Variants in SH3TC1 observed in about 807,000 individuals in gnomAD.
SH3TC1 encodes SH3 domain and tetratricopeptide repeats 1, also known as SH3 domain and tetratricopeptide repeat-containing protein 1.
In SH3TC1, 135 loss-of-function variants were observed where a neutral mutation model predicts 117.3. The observed-to-expected ratio is 1.15, with a 90% CI of 1.00 to 1.33. SH3TC1 has a LOEUF of 1.33. SH3TC1 is among the 40% of genes most tolerant of loss of function. The probability of loss-of-function intolerance (pLI) is 0.00; values close to 1 mark genes in which losing one functional copy is unlikely to be tolerated. For missense variants in SH3TC1, 2,092 were observed against 1,794.3 expected, an observed-to-expected ratio of 1.17 and a Z score of -3.00; for synonymous variants, 898 against 816.9, an observed-to-expected ratio of 1.10 and a Z score of -1.69.
intron 16 of SH3TC1, chr4:8,236,689 T>C (rs1026628867): frequency 4.4e-5 from 18 of 412,326 alleles, no homozygotes; most frequent in Admixed American, 8.3e-5. Flanking sequence ...CAGTGTGCCC[T>C]CTGCCTTCCA....
At chr4:8,218,086 G>A (rs1215948937) in intron 7 of SH3TC1, among the ~76,000 whole-genome samples, 185 bp from the exon 8 acceptor site, 2 of 152,182 alleles carry the variant, frequency 1.3e-5, no homozygotes, top group South Asian at 2.1e-4. Flanking sequence ...CCACACGCAC[G>A]GGGCCTGAAG....
rs867568777 is a variant in SH3TC1, at chr4:8,227,105, G to A, written c.1411G>A (p.Ala471Thr). 1.2e-6 allele frequency: 2 copies of A among 1,612,682 alleles called. No individual in the cohort carries two copies. The highest frequency in any genetic ancestry group is 3.3e-5 in the Admixed American group (2 of 59,902). ...GCCAGCGTCCTGGGGTCTCTGTGCGGCATCCAGCGACGTGAGCTTGCAGGA... is the reference window on the plus strand; with the variant it reads ...GCCAGCGTCCTGGGGTCTCTGTGCGACATCCAGCGACGTGAGCTTGCAGGA... ...QEPASWGLCA[A>T]SSDVSLQDPE... Residue 471 changes from alanine to threonine, a missense_variant, in exon 12 of 18, where the codon GCA becomes ACA. By Grantham distance (58) the Ala-to-Thr change is moderately conservative. Coordinates refer to ENST00000245105, the MANE Select transcript of SH3TC1 (RefSeq NM_018986.5).
intron 6 of SH3TC1, 72 bp downstream of exon 6, chr4:8,216,329 G>T: frequency 6.4e-7 from 1 of 1,552,976 alleles, no homozygotes. Flanking sequence ...GTGACAGCCT[G>T]GATCCCGCTG....
chr4:8,214,764 A>T (rs1578681104), intron 5 of SH3TC1, among the ~76,000 whole-genome samples, 184 bp downstream of exon 5: 1 of 152,040 alleles, frequency 6.6e-6, no homozygotes, highest in African/African-American at 2.4e-5. Flanking sequence ...GCTCACTGCA[A>T]CCCCTGCTCC....
rs922670395 is a variant in SH3TC1 at position 8,210,698 on chromosome 4, G to C, written c.247+876G>C. 7.1e-6 allele frequency among the ~76,000 whole-genome samples: 1 copy of C among 139,908 alleles called. No homozygotes were observed. Among genetic ancestry groups the C allele is most frequent in the Admixed American group, 7.4e-5 (1 of 13,538 alleles). 91.8% of individuals were successfully genotyped at this position (139,908 alleles called of 152,430 possible). On this transcript the variant is annotated intron_variant, in intron 3 of 17. Coordinates refer to ENST00000245105, the MANE Select transcript of SH3TC1 (RefSeq NM_018986.5). This position sits in a 1 kb window ranked among gnomAD's most constrained non-coding sequence, Gnocchi z 4.1. ...GAATCACTTGAACCCAGGAGGCAGAGGTAGTGAGCCGAGATTGCGCCATTG... is the reference window on the plus strand; with the variant it reads ...GAATCACTTGAACCCAGGAGGCAGACGTAGTGAGCCGAGATTGCGCCATTG...
chr4:8,197,855 G>A (rs940464486), upstream of SH3TC1, among the ~76,000 whole-genome samples: 1 of 152,208 alleles, frequency 6.6e-6, no homozygotes, highest in Non-Finnish European at 1.5e-5. Flanking sequence ...GTCAGCCCCT[G>A]GGCAGAGCCT....
In SH3TC1 at chr4:8,227,186, G is replaced by A. The variant is rs774806047; in HGVS notation, c.1492G>A (p.Ala498Thr). 8 of 1,583,126 alleles carry A rather than the reference G, an allele frequency of 5.1e-6. No homozygotes were observed. Among genetic ancestry groups the A allele is most frequent in the Non-Finnish European group, 6.9e-6 (8 of 1,162,894 alleles). ...EAEDDWEDPEALSSLLLFLNA... is the reference protein window; with the variant it reads ...EAEDDWEDPETLSSLLLFLNA... ...CGAGGACGACTGGGAGGACCCAGAG[G>A]CCCTGAGCTCACTGCTGCTGTTCCT... The change falls in exon 12 of 18, where the codon GCC (alanine) becomes ACC (threonine). Residue 498 changes from alanine (A) to threonine (T), a missense_variant. Coordinates refer to ENST00000245105, the MANE Select transcript of SH3TC1 (RefSeq NM_018986.5).
intron 1 of SH3TC1, among the ~76,000 whole-genome samples, chr4:8,203,156 A>G (rs1046781478): frequency 1.3e-5 from 2 of 152,174 alleles, no homozygotes; most frequent in Non-Finnish European, 2.9e-5. Context: ...CTGTCGCCAC[A>G]GTGGTGGCCC....
chr4:8,228,344 G>A lies in SH3TC1; in HGVS notation c.2650G>A (p.Glu884Lys), dbSNP rs977654713. 6.8e-6 allele frequency: 11 copies of A among 1,611,648 alleles called. No individual in the cohort carries two copies. Among genetic ancestry groups the A allele is most frequent in the East Asian group, 2.2e-5 (1 of 44,878 alleles). Residue 884 changes from glutamate (E) to lysine (K), a missense_variant, in exon 12 of 18, where the codon GAG (glutamate) becomes AAG (lysine). Transcript: ENST00000245105. ...GACGGGCCGGACGAGGCAGGCAGCT[G>A]AGAGCTACTACCGCGCCCTGCGGGT... Reference protein sequence around the residue: ...KRTGRTRQAAESYYRALRVAR... With the variant: ...KRTGRTRQAAKSYYRALRVAR...
intron 1 of SH3TC1, among the ~76,000 whole-genome samples, chr4:8,204,593 CTCTCT>C (rs1311052351): frequency 1.3e-5 from 2 of 152,218 alleles, no homozygotes; most frequent in African/African-American, 4.8e-5. Context: ...TGCCATCCTC[CTCTCT>C]TATTAGCGCC....
chr4:8,207,239 G>A lies in SH3TC1; in HGVS notation c.172+1873G>A, dbSNP rs79823401. On this transcript the variant is annotated intron_variant, in intron 2 of 17. Transcript: ENST00000245105. Reference sequence around the variant, plus strand: ...TCGAGTGCAGCTACTATTTCTTCACGATCACATTAGGGATTTGGGCAGGAA... The same window carrying A: ...TCGAGTGCAGCTACTATTTCTTCACAATCACATTAGGGATTTGGGCAGGAA... Among the ~76,000 whole-genome samples, 1,349 of 152,272 alleles carry A rather than the reference G, an allele frequency of 8.9e-3. 17 individuals are homozygous for A. Among genetic ancestry groups the A allele is most frequent in the African/African-American group, 0.03 (1,263 of 41,542 alleles).
chr4:8,232,337 G>C (rs535853358), intron 13 of SH3TC1, 181 bp downstream of exon 13: 58 of 1,541,520 alleles, frequency 3.8e-5, no homozygotes, highest in Non-Finnish European at 5.0e-5. Flanking sequence ...CTGATGACCC[G>C]TGAGTCCCAG....
At position 8,237,643 on chromosome 4, in the gene SH3TC1, C is replaced by A; in HGVS notation, c.3726C>A (p.Leu1242=). ...TLYYVKVYLV[L]GDIIFYDLKD... is the part of the protein sequence containing the mutation. ...ACTACGTGAAGGTGTACCTGGTGCT[C>A]GGTGACATCATCTTCTACGACCTGA... is the stretch of plus-strand genomic sequence containing the variant. Residue 1242 remains leucine, a synonymous_variant, in exon 17 of 18, where the codon CTC becomes CTA. Transcript: ENST00000245105. 1 of 1,596,328 alleles carries A rather than the reference C, an allele frequency of 6.3e-7. No individual in the cohort carries two copies. The highest frequency in any genetic ancestry group is 8.5e-7 in the Non-Finnish European group (1 of 1,170,664).
Position 8,236,418 on chromosome 4 carries a change from C to A in SH3TC1, c.3546C>A (p.Ser1182Arg), listed in dbSNP as rs1211802390. ...LEFAHMALAL[S>R]ITLGDRLNER... ...TTGCCCACATGGCCCTAGCACTCAG[C>A]ATCACCCTGGGTAAGCCCCCTGAGC... is the stretch of plus-strand genomic sequence containing the variant. Residue 1182 changes from serine (S) to arginine (R), a missense_variant, in exon 16 of 18, where the codon AGC becomes AGA. By Grantham distance (110) the Ser-to-Arg change is moderately radical (BLOSUM62 -1). Coordinates refer to ENST00000245105, the MANE Select transcript of SH3TC1 (RefSeq NM_018986.5). 2.0e-6 allele frequency: 3 copies of A among 1,493,496 alleles called. No homozygotes were observed. Among genetic ancestry groups the A allele is most frequent in the Non-Finnish European group, 2.7e-6 (3 of 1,114,982 alleles). The allele number at this position is 1,493,496 out of a possible 1,614,324, so 92.5% of individuals were successfully genotyped here. A position where few individuals can be genotyped will look rare whatever the true frequency, so the allele number is the denominator to read the frequency against.
chr4:8,214,707 G>GCCTCATCTCTGGAAAAAAAAAAAAA, intron 5 of SH3TC1, 127 bp downstream of exon 5: 1 of 779,132 alleles, frequency 1.3e-6, no homozygotes. Context: ...GTTTTAAGAC[G>GCCTCATCTCTGGAAAAAAAAAAAAA]AAGTCTTGCT....
At chr4:8,219,187 T>A in intron 8 of SH3TC1, 148 bp from the exon 9 acceptor site, 1 of 698,212 alleles carries the variant, frequency 1.4e-6, no homozygotes, top group Middle Eastern at 3.4e-4. Context: ...ATTCCCTCCC[T>A]CATTGCGGAA....
intron 3 of SH3TC1, among the ~76,000 whole-genome samples, chr4:8,211,703 C>T (rs1029870333): frequency 6.6e-6 from 1 of 151,702 alleles, no homozygotes; most frequent in Non-Finnish European, 1.5e-5. Context: ...GTGCATAGGG[C>T]AGATGGGGTC....
chr4:8,233,945 CCCATCAATCCATCCATTCACCTGTTTGT>C (rs1270565257), intron 14 of SH3TC1, among the ~76,000 whole-genome samples: 1 of 144,302 alleles, frequency 6.9e-6, no homozygotes, highest in East Asian at 2.1e-4. Flanking sequence ...CATCCAATCA[CCCATCAATCCATCCATTCACCTGTTTGT>C]CCATCCATCC....
upstream of SH3TC1, among the ~76,000 whole-genome samples, chr4:8,197,408 G>A (rs1378161569): frequency 1.3e-5 from 2 of 152,192 alleles, no homozygotes; most frequent in African/African-American, 2.4e-5. Flanking sequence ...ACTGCCCCTC[G>A]ACGAGGCCAG....
Sources: gnomAD v4.1 joint callset for allele counts (sites outside exome capture counted in the v4.1 genomes callset) on GRCh38, gnomAD v4.1.1 for gene constraint, Gnocchi (gnomAD v3.1) non-coding constraint, MANE v1.5 for transcripts, NCBI Gene and HGNC (gene_info 2026-07-23, HGNC 2026-07-21) for gene names.